The following TRHDE variants were observed in gnomAD, a reference collection of about 807,000 sequenced individuals.
TRHDE encodes the protein thyrotropin-releasing hormone-degrading ectoenzyme.
Under a neutral mutation model 125.7 loss-of-function variants are expected in TRHDE, and 72 were observed. That is an observed-to-expected ratio of 0.57 (90% confidence interval 0.47 to 0.70). The LOEUF (loss-of-function observed/expected upper bound fraction) is 0.70, where lower values mean the gene tolerates loss of function less well. Among genes scored for constraint, TRHDE ranks in the 30% least tolerant of loss-of-function variants. TRHDE has a pLI of 0.00. For missense variants in TRHDE, 1,110 were observed against 1,327.1 expected (o/e 0.84, Z 2.54); for synonymous variants, 509 against 509.1 (o/e 1.00, Z 0.00).
At position 72,231,109 on chromosome 12, in the gene TRHDE, G is replaced by T. The variant is rs112653612; in HGVS notation, n.279+125357G>T. ...CTAGGCAGAAATTTAGCAGATAAGA[G>T]TTTTAACTGTCTTTTGATTAAAAAA... On this transcript the variant is annotated intron_variant and non_coding_transcript_variant, in intron 2 of 4. Coordinates refer to the TRHDE transcript ENST00000548156. Among the ~76,000 whole-genome samples, 224 of 152,110 alleles carry T rather than the reference G, an allele frequency of 1.5e-3. 4 individuals are homozygous for T. Among genetic ancestry groups the T allele is most frequent in the African/African-American group, 4.3e-3 (179 of 41,494 alleles).
At position 72,272,905 on chromosome 12, in the gene TRHDE, G is replaced by A. The variant is rs1223054926; in HGVS notation, c.262G>A (p.Ala88Thr). 1 of 1,578,716 alleles carries A rather than the reference G, an allele frequency of 6.3e-7. No homozygotes were observed. The highest frequency in any genetic ancestry group is 1.1e-5 in the South Asian group (1 of 87,796). Reference sequence around the variant, plus strand: ...CGCCGTACACAAGCGGCTTGTGCTGGCCTTCGCTGTGTCCCTCGTGGCATT... The same window carrying A: ...CGCCGTACACAAGCGGCTTGTGCTGACCTTCGCTGTGTCCCTCGTGGCATT... ...HIAVHKRLVL[A>T]FAVSLVALLA... is the part of the protein sequence containing the mutation. The change falls in exon 1 of 19, where the codon GCC becomes ACC. Residue 88 changes from alanine to threonine, a missense_variant. Around this residue, in one of 5 missense-constraint regions of TRHDE, gnomAD observed 248 missense variants for 240.8 expected, o/e 1.03. Transcript: ENST00000261180. The surrounding 1 kb of genome is among the most constrained non-coding windows in gnomAD (Gnocchi z 6.7).
chr12:72,121,669 T>C (rs143940968), intron 2 of TRHDE, among the ~76,000 whole-genome samples: 49 of 152,078 alleles, frequency 3.2e-4, no homozygotes, highest in African/African-American at 1.2e-3. Context: ...GATATGATGT[T>C]AAACTGGGTA....
chr12:72,599,568 T>G (rs1872123241), intron 12 of TRHDE, among the ~76,000 whole-genome samples: 1 of 152,128 alleles, frequency 6.6e-6, no homozygotes, highest in Non-Finnish European at 1.5e-5. Context: ...ATGAGGTTAT[T>G]TGGTTTTTGC....
intron 2 of TRHDE, among the ~76,000 whole-genome samples, chr12:72,213,906 A>G (rs534874425): frequency 3.3e-5 from 5 of 152,310 alleles, no homozygotes; most frequent in Non-Finnish European, 7.4e-5. Flanking sequence ...CTTAACTTCC[A>G]TATGCATATT....
At chr12:72,171,231 A>G (rs1435742828) in intron 2 of TRHDE, among the ~76,000 whole-genome samples, 2 of 151,576 alleles carry the variant, frequency 1.3e-5, no homozygotes, top group Non-Finnish European at 2.9e-5. Context: ...TTAGAAAAAG[A>G]GGCCTTATCT....
chr12:72,557,072 C>G (rs1238831488), intron 7 of TRHDE, among the ~76,000 whole-genome samples: 1 of 152,170 alleles, frequency 6.6e-6, no homozygotes, highest in East Asian at 1.9e-4. Flanking sequence ...AGGACTATGT[C>G]TTTCCTTGGG....
chr12:72,285,608 C>T (rs1374441726), intron 1 of TRHDE, among the ~76,000 whole-genome samples: 1 of 149,374 alleles, frequency 6.7e-6, no homozygotes, highest in African/African-American at 2.5e-5. Flanking sequence ...GCAACCTCTG[C>T]CTCCCGAGTT....
At chr12:72,617,589 G>T (rs1872873368) in intron 12 of TRHDE, among the ~76,000 whole-genome samples, 1 of 151,428 alleles carries the variant, frequency 6.6e-6, no homozygotes, top group Non-Finnish European at 1.5e-5. Context: ...TAGCTTTCGT[G>T]GTTCCCTCTT....
At chr12:72,432,480 A>G (rs1182984280) in intron 3 of TRHDE, among the ~76,000 whole-genome samples, 1 of 151,658 alleles carries the variant, frequency 6.6e-6, no homozygotes, top group Non-Finnish European at 1.5e-5. Flanking sequence ...CCTTGTACCT[A>G]CTCCTTGCCG....
chr12:72,131,144 T>C (rs894965660), intron 2 of TRHDE, among the ~76,000 whole-genome samples: 1 of 144,068 alleles, frequency 6.9e-6, no homozygotes, highest in African/African-American at 2.6e-5. Context: ...CGATTTCGAC[T>C]CACTGAAAGC....
rs1488839166 is a variant in TRHDE at position 72,530,609 on chromosome 12, C to T, written c.1723-11682C>T. ...CTCTGTGGGAGCCTGGGACTTCTAG[C>T]CCTACTTTCTCTCCAGACTTCTAGA... On this transcript the variant is annotated intron_variant, in intron 6 of 18. Transcript: ENST00000261180. 2.7e-5 allele frequency among the ~76,000 whole-genome samples: 4 copies of T among 148,516 alleles called. No individual in the cohort carries two copies. The Admixed American group carries it at 2.7e-4, about 10-fold the overall frequency.
At chr12:72,449,906 C>T (rs922367935) in intron 3 of TRHDE, among the ~76,000 whole-genome samples, 16 of 152,072 alleles carry the variant, frequency 1.1e-4, no homozygotes, top group Admixed American at 4.6e-4. Flanking sequence ...CCTCACTTTT[C>T]TCCTTCTAGT....
At chr12:72,170,083 T>C (rs1052705948) in intron 2 of TRHDE, among the ~76,000 whole-genome samples, 7 of 152,132 alleles carry the variant, frequency 4.6e-5, no homozygotes, top group African/African-American at 1.7e-4. Flanking sequence ...GACCAGAACG[T>C]ATCGTCTTGG....
At chr12:72,220,271 C>A (rs571888313) in intron 2 of TRHDE, among the ~76,000 whole-genome samples, 3 of 152,154 alleles carry the variant, frequency 2.0e-5, no homozygotes, top group Admixed American at 6.6e-5. Context: ...AATTATTATT[C>A]TTAATGCTTG....
At position 72,614,330 on chromosome 12, in the gene TRHDE, A is replaced by ATAT. The variant is rs531067163; in HGVS notation, c.2322-4560_2322-4559insATT. Reference sequence around the variant, plus strand: ...TACATATGTATATATATATATATATATTTTTTTTTTCTCTAGAAACTGATC... The same window carrying ATAT: ...TACATATGTATATATATATATATATATATTTTTTTTTTTCTCTAGAAACTGATC... On this transcript the variant is annotated intron_variant, in intron 12 of 18. Transcript: ENST00000261180. Among the ~76,000 whole-genome samples the ATAT allele has an allele frequency of 7.7e-4, 100 of 129,840 alleles. 1 individual carries two copies. Among genetic ancestry groups the ATAT allele is most frequent in the South Asian group, 2.4e-3 (10 of 4,112 alleles). The allele number at this position is 129,840 out of a possible 152,430, so 85.2% of individuals were successfully genotyped here. A position where few individuals can be genotyped will look rare whatever the true frequency, so the allele number is the denominator to read the frequency against.
At position 72,621,735 on chromosome 12, in the gene TRHDE, T is replaced by G. The variant is rs1361513221; in HGVS notation, c.2659T>G (p.Ser887Ala). The G allele has an allele frequency of 6.2e-7, 1 of 1,603,600 alleles. No homozygotes were observed. The highest frequency in any genetic ancestry group is 1.7e-5 in the Admixed American group (1 of 57,508). The change falls in exon 15 of 19, where the codon TCC becomes GCC. Residue 887 changes from serine (S) to alanine (A), a missense_variant. By Grantham distance (99) the Ser-to-Ala change is moderately conservative. Around this residue, in one of 5 missense-constraint regions of TRHDE, gnomAD observed 527 missense variants for 651.8 expected, o/e 0.81. Coordinates refer to ENST00000261180, the MANE Select transcript of TRHDE (RefSeq NM_013381.3). ...QASTLISDWI[S>A]SNRNRIPLNV... ...ATCAACACTTATTTCAGATTGGATTTCCAGCAACAGGAACAGGTAAACTGA... is the reference window on the plus strand; with the variant it reads ...ATCAACACTTATTTCAGATTGGATTGCCAGCAACAGGAACAGGTAAACTGA...
chr12:72,492,611 A>G (rs958694073), intron 5 of TRHDE, among the ~76,000 whole-genome samples: 12 of 151,602 alleles, frequency 7.9e-5, no homozygotes, highest in African/African-American at 2.9e-4. Context: ...AACCTTTGTC[A>G]TGATTTGAGT....
rs138900232 is a variant in TRHDE, at chr12:72,534,344, T to A, written c.1723-7947T>A. Among the ~76,000 whole-genome samples the A allele has an allele frequency of 3.0e-3, 461 of 152,304 alleles. 1 individual carries two copies. The highest frequency in any genetic ancestry group is 0.011 in the African/African-American group (441 of 41,566). ...TGGAGGAGAGAAAAACATTGAGAAC[T>A]AACATAGTTGTGGAAAGTTTCTTAT... is the stretch of plus-strand genomic sequence containing the variant. On this transcript the variant is annotated intron_variant, in intron 6 of 18. Transcript: ENST00000261180.
rs542212401 is a variant in TRHDE at position 72,497,382 on chromosome 12, T to C, written c.1585-2116T>C. Among the ~76,000 whole-genome samples the C allele has an allele frequency of 1.8e-3, 271 of 152,258 alleles. 1 individual carries two copies. The highest frequency in any genetic ancestry group is 6.0e-3 in the African/African-American group (251 of 41,568). ...CATCTCTAGCAAACCAAGGTATGTT[T>C]AGTAAATTTTAATATTGATCAATAT... On this transcript the variant is annotated intron_variant, in intron 5 of 18. Coordinates refer to ENST00000261180, the MANE Select transcript of TRHDE (RefSeq NM_013381.3).
Sources: allele counts gnomAD v4.1 joint callset (sites outside exome capture counted in the v4.1 genomes callset), GRCh38; gene constraint gnomAD v4.1.1; regional missense constraint gnomAD v4.1.1; non-coding constraint Gnocchi (gnomAD v3.1); transcripts MANE v1.5; gene names NCBI Gene and HGNC (gene_info 2026-07-23, HGNC 2026-07-21).